MYT1L: variants seen among roughly 807,000 people sequenced by gnomAD.
The protein encoded by MYT1L is myelin transcription factor 1-like protein.
Under a neutral mutation model 126.7 loss-of-function variants are expected in MYT1L, and 12 were observed. The ratio of observed to expected loss-of-function variants is 0.09; its 90% CI spans 0.06 to 0.15. The LOEUF is 0.15. Ranked by LOEUF, MYT1L falls within the 10% of genes least tolerant of loss-of-function variation. The pLI, the probability that MYT1L is intolerant of heterozygous loss-of-function variation, is 1.00. For missense variants in MYT1L, 979 were observed against 1,585.2 expected, an observed-to-expected ratio of 0.62 and a Z score of 6.49; for synonymous variants, 541 against 604.2, an observed-to-expected ratio of 0.90 and a Z score of 1.53.
At chr2:1,966,078 C>T (rs1157106544) in intron 8 of MYT1L, among the ~76,000 whole-genome samples, 1 of 152,204 alleles carries the variant, frequency 6.6e-6, no homozygotes, top group Non-Finnish European at 1.5e-5. Flanking sequence ...CCCTGACACC[C>T]CTAGAGGGGC....
At chr2:1,966,894 T>G (rs1379849930) in intron 8 of MYT1L, among the ~76,000 whole-genome samples, 2 of 152,210 alleles carry the variant, frequency 1.3e-5, no homozygotes, top group Admixed American at 1.3e-4. Context: ...TGGTTACCAA[T>G]GCCCTGGACG....
At chr2:2,178,058 T>C (rs2091020386) in intron 2 of MYT1L, among the ~76,000 whole-genome samples, 1 of 152,136 alleles carries the variant, frequency 6.6e-6, no homozygotes, top group South Asian at 2.1e-4. Context: ...ATACTGTTTA[T>C]TTATAAATAG....
intron 4 of MYT1L, among the ~76,000 whole-genome samples, chr2:2,004,863 C>CGTTCTTTCCTGTAGGA (rs1486748352): frequency 6.7e-6 from 1 of 149,038 alleles, no homozygotes; most frequent in Non-Finnish European, 1.5e-5. Flanking sequence ...TTCCTGCATG[C>CGTTCTTTCCTGTAGGA]GTTCTTTCCT....
intron 5 of MYT1L, among the ~76,000 whole-genome samples, chr2:1,990,633 G>C (rs894964539): frequency 6.6e-6 from 1 of 152,156 alleles, no homozygotes; most frequent in African/African-American, 2.4e-5. Flanking sequence ...GGGGTGTCTC[G>C]ATGACACATG....
chr2:2,144,060 C>T (rs910693915), intron 3 of MYT1L, among the ~76,000 whole-genome samples: 2 of 152,108 alleles, frequency 1.3e-5, no homozygotes, highest in Non-Finnish European at 2.9e-5. Context: ...ATACAATACA[C>T]CCAGCTAAAA....
chr2:2,122,872 T>TGTGTGTGTGTGAGAGA (rs553951630), intron 3 of MYT1L, among the ~76,000 whole-genome samples: 421 of 133,026 alleles, frequency 3.2e-3, no homozygotes, highest in African/African-American at 4.1e-3. Context: ...TGTGTGTGTG[T>TGTGTGTGTGTGAGAGA]GAGAGAGAGA....
intron 11 of MYT1L, among the ~76,000 whole-genome samples, chr2:1,915,439 G>C (rs1329133999): frequency 6.6e-6 from 1 of 152,190 alleles, no homozygotes; most frequent in Non-Finnish European, 1.5e-5. Context: ...CCACTCCACA[G>C]TCCCACTTCA....
rs1338141380 is a variant in MYT1L at position 2,279,552 on chromosome 2, A to AAT, written c.-421+4851_-421+4852insAT. On this transcript the variant is annotated intron_variant, in intron 2 of 24. Coordinates refer to ENST00000647738, the MANE Select transcript of MYT1L (RefSeq NM_001303052.2). ...AAGGAGGAAGGAGAGAGAGAAAGAG[A>AAT]GAAGGAATGAATGAATGAAGGAAGG... Among the ~76,000 whole-genome samples, 123 of 95,736 alleles carry AAT rather than the reference A, an allele frequency of 1.3e-3. 1 individual carries two copies. Among genetic ancestry groups the AAT allele is most frequent in the African/African-American group, 4.7e-3 (120 of 25,468 alleles). The allele number at this position is 95,736 out of a possible 152,430, so 62.8% of individuals were successfully genotyped here. A position where few individuals can be genotyped will look rare whatever the true frequency, so the allele number is the denominator to read the frequency against.
chr2:2,309,227 A>T (rs1272407582), intron 1 of MYT1L, among the ~76,000 whole-genome samples: 1 of 151,690 alleles, frequency 6.6e-6, no homozygotes, highest in Non-Finnish European at 1.5e-5. Context: ...ACTTCAGTAC[A>T]TTCTATGCCA....
At chr2:1,975,235 C>T (rs2060079020) in intron 8 of MYT1L, among the ~76,000 whole-genome samples, 1 of 65,202 alleles carries the variant, frequency 1.5e-5, no homozygotes, top group Non-Finnish European at 2.7e-5. Context: ...AGGCGTGGCT[C>T]ACCAAACAGA....
At chr2:1,871,429 C>T (rs2046275481) in intron 18 of MYT1L, among the ~76,000 whole-genome samples, 1 of 152,250 alleles carries the variant, frequency 6.6e-6, no homozygotes, top group Non-Finnish European at 1.5e-5. Context: ...CAATTCATGC[C>T]CTGCAGCCGC....
At chr2:1,905,683 T>A (rs1387726444) in intron 13 of MYT1L, among the ~76,000 whole-genome samples, 20 of 152,314 alleles carry the variant, frequency 1.3e-4, no homozygotes. Flanking sequence ...TAAGATCCTA[T>A]TTCTTGATTA....
intron 2 of MYT1L, among the ~76,000 whole-genome samples, chr2:2,254,890 A>T (rs2149244170): frequency 6.6e-6 from 1 of 152,166 alleles, no homozygotes; most frequent in South Asian, 2.1e-4. Context: ...TCTTCCCCAA[A>T]CTTTTACTAC....
At chr2:2,019,568 T>TG (rs2064817621) in intron 4 of MYT1L, among the ~76,000 whole-genome samples, 3 of 152,310 alleles carry the variant, frequency 2.0e-5, no homozygotes, top group South Asian at 4.1e-4. Context: ...ATTCTCAGTG[T>TG]GGGGGGTTCA....
intron 2 of MYT1L, among the ~76,000 whole-genome samples, chr2:2,220,800 G>A (rs1380969305): frequency 6.6e-6 from 1 of 152,006 alleles, no homozygotes; most frequent in East Asian, 1.9e-4. Flanking sequence ...AGAATTTATG[G>A]TTTGTAGGAC....
chr2:1,934,239 C>T (rs1052188174), intron 9 of MYT1L, among the ~76,000 whole-genome samples: 38 of 150,124 alleles, frequency 2.5e-4, no homozygotes, highest in African/African-American at 8.6e-4. Context: ...CTCCAAAGTG[C>T]TGGGATTACA....
At chr2:2,164,179 C>T (rs2088592453) in intron 3 of MYT1L, among the ~76,000 whole-genome samples, 1 of 152,022 alleles carries the variant, frequency 6.6e-6, no homozygotes, top group Non-Finnish European at 1.5e-5. Context: ...TGTTTAAGGC[C>T]ATATATGTGA....
chr2:2,182,818 G>C (rs768614990), intron 2 of MYT1L, among the ~76,000 whole-genome samples: 26 of 152,148 alleles, frequency 1.7e-4, no homozygotes, highest in Non-Finnish European at 3.5e-4. Flanking sequence ...ACAATGGCAG[G>C]GACTGAGATG....
chr2:2,021,065 C>T (rs1041183942), intron 4 of MYT1L, among the ~76,000 whole-genome samples: 5 of 152,170 alleles, frequency 3.3e-5, no homozygotes, highest in Admixed American at 6.5e-5. Context: ...AAGAGAACCA[C>T]GGGCAACGCT....
Sources: gnomAD v4.1 joint callset for allele counts (sites outside exome capture counted in the v4.1 genomes callset) on GRCh38, gnomAD v4.1.1 for gene constraint, MANE v1.5 for transcripts, NCBI Gene and HGNC (gene_info 2026-07-23, HGNC 2026-07-21) for gene names.